Variants in PCDH7 observed in about 807,000 individuals in gnomAD.
PCDH7 encodes the protein protocadherin 7, also known as protocadherin-7.
PCDH7 carries 17 observed loss-of-function variants against 58.9 expected under a neutral mutation model. The ratio of observed to expected loss-of-function variants is 0.29; its 90% CI spans 0.20 to 0.43. The LOEUF is 0.43. PCDH7 is among the 20% of genes least tolerant of loss of function. The pLI, the probability that PCDH7 is intolerant of heterozygous loss-of-function variation, is 1.00. For missense variants in PCDH7, 1,274 were observed against 1,441.0 expected, an observed-to-expected ratio of 0.88 and a Z score of 1.88; for synonymous variants, 664 against 616.4, an observed-to-expected ratio of 1.08 and a Z score of -1.14.
intron 1 of PCDH7, among the ~76,000 whole-genome samples, chr4:30,790,193 C>T (rs1231204369): frequency 2.6e-5 from 4 of 152,182 alleles, no homozygotes; most frequent in Non-Finnish European, 5.9e-5. Flanking sequence ...TAATATTTCT[C>T]TGATGACTTT....
chr4:31,115,256 A>G (rs1052632403), intron 3 of PCDH7, among the ~76,000 whole-genome samples: 4 of 152,190 alleles, frequency 2.6e-5, no homozygotes, highest in African/African-American at 9.6e-5. Flanking sequence ...CAAGCAGTAT[A>G]TTTGGAAGAT....
intron 3 of PCDH7, among the ~76,000 whole-genome samples, chr4:30,991,126 A>T (rs541625306): frequency 2.0e-5 from 3 of 152,272 alleles, no homozygotes; most frequent in African/African-American, 7.2e-5. Context: ...AAAGCCATCT[A>T]TTTTTAAAAC....
chr4:30,891,480 G>A (rs1343701324), intron 1 of PCDH7, among the ~76,000 whole-genome samples: 1 of 151,934 alleles, frequency 6.6e-6, no homozygotes, highest in Non-Finnish European at 1.5e-5. Flanking sequence ...TCTATAATTA[G>A]GATACCAGGT....
chr4:30,813,392 A>T (rs1474299320), intron 1 of PCDH7, among the ~76,000 whole-genome samples: 1 of 152,136 alleles, frequency 6.6e-6, no homozygotes. Flanking sequence ...CTCCAAAATA[A>T]ATGTTATTTA....
At chr4:31,016,602 C>T (rs1181408571) in intron 3 of PCDH7, among the ~76,000 whole-genome samples, 1 of 151,880 alleles carries the variant, frequency 6.6e-6, no homozygotes, top group Non-Finnish European at 1.5e-5. Flanking sequence ...TTATCACAAG[C>T]AATGTTATAG....
chr4:30,934,730 T>C (rs1745118058), intron 2 of PCDH7, among the ~76,000 whole-genome samples: 1 of 152,174 alleles, frequency 6.6e-6, no homozygotes, highest in Admixed American at 6.6e-5. Flanking sequence ...TTGGGATACC[T>C]TCTGGAAGAG....
At chr4:30,854,978 C>A (rs1733272924) in intron 1 of PCDH7, among the ~76,000 whole-genome samples, 1 of 152,104 alleles carries the variant, frequency 6.6e-6, no homozygotes, top group African/African-American at 2.4e-5. Flanking sequence ...TTAAGTGACT[C>A]ACCTAAAATT....
chr4:30,860,059 C>A (rs137992707), intron 1 of PCDH7, among the ~76,000 whole-genome samples: 1 of 152,096 alleles, frequency 6.6e-6, no homozygotes, highest in Non-Finnish European at 1.5e-5. Flanking sequence ...GAGCACCTAC[C>A]GTGTGTTCGA....
At chr4:30,882,887 C>G (rs935552422) in intron 1 of PCDH7, among the ~76,000 whole-genome samples, 2 of 152,188 alleles carry the variant, frequency 1.3e-5, no homozygotes, top group Non-Finnish European at 2.9e-5. Flanking sequence ...TAACCTTACT[C>G]CATTTTCAAG....
intron 1 of PCDH7, among the ~76,000 whole-genome samples, chr4:30,744,779 A>G (rs1256993220): frequency 2.0e-5 from 3 of 152,178 alleles, no homozygotes; most frequent in Non-Finnish European, 4.4e-5. Context: ...TTTTCTTCAC[A>G]TTCCTCCTTT....
chr4:30,955,541 A>G (rs1747768747), intron 3 of PCDH7, among the ~76,000 whole-genome samples: 1 of 148,990 alleles, frequency 6.7e-6, no homozygotes, highest in African/African-American at 2.5e-5. Context: ...ATTTTATTTC[A>G]TTTTATTTTA....
At chr4:30,919,635 A>G (rs1263926304) in intron 1 of PCDH7, among the ~76,000 whole-genome samples, 1 of 152,164 alleles carries the variant, frequency 6.6e-6, no homozygotes, top group African/African-American at 2.4e-5. Context: ...TGTGTTTCCT[A>G]GCACTGCATC....
intron 3 of PCDH7, among the ~76,000 whole-genome samples, chr4:30,955,285 T>G (rs1747736618): frequency 6.8e-6 from 1 of 147,360 alleles, no homozygotes; most frequent in Non-Finnish European, 1.5e-5. Context: ...ACTCATTCTT[T>G]GTGCTTCTTA....
At chr4:30,781,123 A>C (rs955452472) in intron 1 of PCDH7, among the ~76,000 whole-genome samples, 2 of 152,032 alleles carry the variant, frequency 1.3e-5, no homozygotes, top group Non-Finnish European at 2.9e-5. Context: ...TGATACATAC[A>C]TATGGTATTC....
chr4:30,854,879 T>C (rs1733261960), intron 1 of PCDH7, among the ~76,000 whole-genome samples: 1 of 152,120 alleles, frequency 6.6e-6, no homozygotes, highest in African/African-American at 2.4e-5. Context: ...TCTATGTAAT[T>C]TGTATAATTT....
chr4:31,101,345 A>G (rs1714867437), intron 3 of PCDH7, among the ~76,000 whole-genome samples: 1 of 152,188 alleles, frequency 6.6e-6, no homozygotes, highest in Admixed American at 6.6e-5. Context: ...TGGTATTTTT[A>G]TAAAAAAAGA....
intron 3 of PCDH7, among the ~76,000 whole-genome samples, chr4:31,055,153 C>A (rs1560607239): frequency 6.6e-6 from 1 of 152,112 alleles, no homozygotes; most frequent in African/African-American, 2.4e-5. Flanking sequence ...TTCTCCTTAA[C>A]TGATATTTTT....
intron 1 of PCDH7, among the ~76,000 whole-genome samples, chr4:30,776,465 G>T (rs1722083158): frequency 6.6e-6 from 1 of 152,240 alleles, no homozygotes; most frequent in Admixed American, 6.5e-5. Flanking sequence ...TCTAAATAGT[G>T]CAGAAGGGGA....
At chr4:31,027,373 C>A (rs1754521022) in intron 3 of PCDH7, among the ~76,000 whole-genome samples, 1 of 152,024 alleles carries the variant, frequency 6.6e-6, no homozygotes, top group Non-Finnish European at 1.5e-5. Context: ...TTTAAAACTC[C>A]TATATTCACA....
Sources: gnomAD v4.1 joint callset for allele counts (sites outside exome capture counted in the v4.1 genomes callset) on GRCh38, gnomAD v4.1.1 for gene constraint, MANE v1.5 for transcripts, NCBI Gene and HGNC (gene_info 2026-07-23, HGNC 2026-07-21) for gene names.